The following NEK1 variants were observed in gnomAD, a reference collection of about 807,000 sequenced individuals.
The protein encoded by NEK1 is NIMA related kinase 1.
A neutral mutation model predicts 182.1 loss-of-function variants in NEK1; 137 were observed. The ratio of observed to expected loss-of-function variants is 0.75; its 90% confidence interval spans 0.65 to 0.87. NEK1 has a LOEUF of 0.87. Among genes scored for constraint, NEK1 ranks in the 40% least tolerant of loss-of-function variants. NEK1 has a pLI of 0.00. For missense variants in NEK1, 1,391 were observed against 1,494.4 expected, an observed-to-expected ratio of 0.93 and a Z score of 1.14; for synonymous variants, 513 against 492.2, an observed-to-expected ratio of 1.04 and a Z score of -0.56.
intron 33 of NEK1, 77 bp downstream of exon 33, chr4:169,401,575 A>C: frequency 7.8e-7 from 1 of 1,288,304 alleles, no homozygotes; most frequent in Non-Finnish European, 1.1e-6. Flanking sequence ...GGTTCACAGC[A>C]GAGATTAGAA....
At chr4:169,500,649 C>A (rs1263152322) in intron 23 of NEK1, among the ~76,000 whole-genome samples, 1 of 152,166 alleles carries the variant, frequency 6.6e-6, no homozygotes, top group Non-Finnish European at 1.5e-5. Context: ...AATTTCACAG[C>A]CTGCCAAGCT....
intron 31 of NEK1, among the ~76,000 whole-genome samples, chr4:169,409,070 C>T (rs1164724893): frequency 6.6e-6 from 1 of 152,184 alleles, no homozygotes; most frequent in Non-Finnish European, 1.5e-5. Context: ...AGTGGTTGTA[C>T]TAATTTACAT....
At chr4:169,425,044 C>G (rs994519161) in intron 30 of NEK1, among the ~76,000 whole-genome samples, 15 of 152,124 alleles carry the variant, frequency 9.9e-5, no homozygotes, top group Admixed American at 8.5e-4. Context: ...TTCTACAATA[C>G]AGACACAAGG....
At chr4:169,529,397 TTTATG>T (rs1757353249) in intron 19 of NEK1, among the ~76,000 whole-genome samples, 1 of 152,184 alleles carries the variant, frequency 6.6e-6, no homozygotes, top group Non-Finnish European at 1.5e-5. Flanking sequence ...GGGAGTACAT[TTTATG>T]TTATGTGTAT....
intron 28 of NEK1, among the ~76,000 whole-genome samples, chr4:169,434,737 ATCTG>A (rs1738086226): frequency 6.6e-6 from 1 of 152,214 alleles, no homozygotes; most frequent in Non-Finnish European, 1.5e-5. Context: ...GCTTCCAATT[ATCTG>A]TCTTATTTGG....
At chr4:169,571,183 T>TAAA (rs879648206) in intron 12 of NEK1, among the ~76,000 whole-genome samples, 1 of 77,984 alleles carries the variant, frequency 1.3e-5, no homozygotes, top group Non-Finnish European at 2.7e-5. Flanking sequence ...AATAAAAAAA[T>TAAA]AAATAAATAA....
chr4:169,603,760 C>T (rs1348167802), intron 2 of NEK1, among the ~76,000 whole-genome samples: 1 of 146,176 alleles, frequency 6.8e-6, no homozygotes, highest in African/African-American at 2.6e-5. Context: ...GGATGGAGTG[C>T]AGTCACACGA....
chr4:169,530,554 G>T lies in NEK1; in HGVS notation c.1665+7255C>A, dbSNP rs371518159. 3.3e-5 allele frequency among the ~76,000 whole-genome samples: 5 copies of T among 152,116 alleles called. No homozygotes were observed. In the East Asian group the frequency reaches 5.8e-4, roughly 18 times the overall value. ...GGCCAGGCTAAGCCATGTTTTGTAG[G>T]TTAAGTGCAATAAATACATTTTTGA... On this transcript the variant is annotated intron_variant, in intron 19 of 35. Transcript: ENST00000507142.
At chr4:169,572,682 G>A (rs976379104) in intron 12 of NEK1, among the ~76,000 whole-genome samples, 3 of 152,170 alleles carry the variant, frequency 2.0e-5, no homozygotes, top group African/African-American at 7.2e-5. Flanking sequence ...CTGAGAAGCA[G>A]CAGTCAATGA....
At chr4:169,540,863 A>G (rs1293747232) in intron 18 of NEK1, among the ~76,000 whole-genome samples, 1 of 151,984 alleles carries the variant, frequency 6.6e-6, no homozygotes. Context: ...ATTCCAAGAC[A>G]AACTTTCCTT....
rs1037859303 is a variant in NEK1 at position 169,404,546 on chromosome 4, T to C, written c.3374+2050A>G. Among the ~76,000 whole-genome samples, 3 of 152,166 alleles carry C rather than the reference T, an allele frequency of 2.0e-5. No homozygotes were observed. In the South Asian group the frequency reaches 6.2e-4, roughly 32 times the overall value. On this transcript the variant is annotated intron_variant, in intron 32 of 35. Transcript: ENST00000507142. ...TCAAAATACAAGTTCTTTCCAAAGGTAAAAGTAAAAAGCAGAAACAAGTTC... is the reference window on the plus strand; with the variant it reads ...TCAAAATACAAGTTCTTTCCAAAGGCAAAAGTAAAAAGCAGAAACAAGTTC...
chr4:169,455,627 A>T (rs1167012867), intron 27 of NEK1, among the ~76,000 whole-genome samples: 1 of 152,166 alleles, frequency 6.6e-6, no homozygotes, highest in Admixed American at 6.6e-5. Flanking sequence ...AGGAAATATT[A>T]TTAGAGTCAA....
rs944649697 is a variant in NEK1, at chr4:169,506,002, G to A, written c.2007+1035C>T. 2.6e-5 allele frequency among the ~76,000 whole-genome samples: 4 copies of A among 151,310 alleles called. No homozygotes were observed. The South Asian group carries it at 6.2e-4, about 24-fold the overall frequency. On this transcript the variant is annotated intron_variant, in intron 23 of 35. Transcript: ENST00000507142. ...AAATGTAGAAATTTAACTTGTTTCT[G>A]TATAAAAACTATTATAACTATGTCA...
chr4:169,531,966 A>G (rs1757746101), intron 19 of NEK1, among the ~76,000 whole-genome samples: 1 of 152,206 alleles, frequency 6.6e-6, no homozygotes, highest in African/African-American at 2.4e-5. Context: ...AAAACAACTA[A>G]CTAGTGATAA....
intron 27 of NEK1, among the ~76,000 whole-genome samples, chr4:169,451,291 A>G (rs1741711372): frequency 6.6e-6 from 1 of 152,260 alleles, no homozygotes; most frequent in Admixed American, 6.5e-5. Flanking sequence ...CAGACCTAAT[A>G]GACATCTACA....
At chr4:169,504,822 G>A (rs555049086) in intron 23 of NEK1, among the ~76,000 whole-genome samples, 22 of 152,202 alleles carry the variant, frequency 1.4e-4, no homozygotes, top group African/African-American at 4.3e-4. Flanking sequence ...ACAACAGGGT[G>A]AATATAGTCA....
chr4:169,582,719 T>C (rs1255966443), intron 10 of NEK1, among the ~76,000 whole-genome samples: 1 of 152,150 alleles, frequency 6.6e-6, no homozygotes, highest in Non-Finnish European at 1.5e-5. Context: ...AAACCCTACG[T>C]TATGTTTTCC....
At position 169,612,211 on chromosome 4, in the gene NEK1, AC is replaced by A. The variant is rs1772432210; in HGVS notation, c.-173+10del. On this transcript the variant is annotated intron_variant, in intron 1 of 35. Transcript: ENST00000507142. The stretch of plus-strand genomic sequence containing the variant: ...GTCCAGACTGAAAGGGGGCACTGAG[AC>A]TCTCCACACCTGACACTCGTCTTCA... The A allele has an allele frequency of 6.6e-6, 1 of 151,952 alleles. No individual in the cohort carries two copies. Among genetic ancestry groups the A allele is most frequent in the Non-Finnish European group, 1.5e-5 (1 of 68,050 alleles). The allele number at this position is 151,952 out of a possible 1,614,324, so 9.4% of individuals were successfully genotyped here.
intron 26 of NEK1, among the ~76,000 whole-genome samples, chr4:169,476,272 G>C (rs971144543): frequency 6.6e-6 from 1 of 151,980 alleles, no homozygotes; most frequent in Non-Finnish European, 1.5e-5. Context: ...CTCTTCCAAG[G>C]CTGATTTATG....
Sources: allele counts gnomAD v4.1 joint callset (sites outside exome capture counted in the v4.1 genomes callset), GRCh38; gene constraint gnomAD v4.1.1; transcripts MANE v1.5; gene names NCBI Gene and HGNC (gene_info 2026-07-23, HGNC 2026-07-21).